ZNF717: variants seen among roughly 807,000 people sequenced by gnomAD.
The protein encoded by ZNF717 is zinc finger protein 717, also known as krueppel-like factor X17.
In ZNF717, 9 loss-of-function variants were observed where a neutral mutation model predicts 13.8. The observed-to-expected ratio is 0.65, with a 90% confidence interval of 0.39 to 1.14. The LOEUF (loss-of-function observed/expected upper bound fraction) is 1.14. Among genes scored for constraint, ZNF717 ranks in the 50% most tolerant of loss-of-function variants. The probability of loss-of-function intolerance (pLI) is 0.01; values close to 1 mark genes in which losing one functional copy is unlikely to be tolerated. For missense variants in ZNF717, 1,040 were observed against 1,080.7 expected (o/e 0.96, Z 0.53); for synonymous variants, 327 against 364.1 (o/e 0.90, Z 1.16).
At chr3:75,782,281 G>C (rs1037197681) in intron 2 of ZNF717, among the ~76,000 whole-genome samples, 3 of 152,170 alleles carry the variant, frequency 2.0e-5, no homozygotes, top group African/African-American at 7.2e-5. Context: ...ATATAACTTT[G>C]AACAGGCTGC....
intron 2 of ZNF717, among the ~76,000 whole-genome samples, chr3:75,749,573 C>A (rs1941509799): frequency 2.0e-5 from 3 of 152,072 alleles, no homozygotes; most frequent in East Asian, 1.9e-4. Context: ...CAGAACACTG[C>A]CACAAGGGTC....
At chr3:75,748,325 C>A (rs1941366486) in intron 2 of ZNF717, among the ~76,000 whole-genome samples, 1 of 152,124 alleles carries the variant, frequency 6.6e-6, no homozygotes, top group South Asian at 2.1e-4. Context: ...GGGAATCCTC[C>A]CTAACTCATT....
chr3:75,696,904 AAAAAAAAAAAAAAC>A (rs1216089494), intron 6 of ZNF717, among the ~76,000 whole-genome samples: 1,797 of 20,270 alleles, frequency 0.089, no homozygotes, highest in African/African-American at 0.19. Context: ...AAAAAAAAAA[AAAAAAAAAAAAAAC>A]AAGGACAAAA....
At chr3:75,700,551 T>C (rs1937672598) in intron 6 of ZNF717, among the ~76,000 whole-genome samples, 1 of 152,306 alleles carries the variant, frequency 6.6e-6, no homozygotes, top group Non-Finnish European at 1.5e-5. Flanking sequence ...CACTAAGTTA[T>C]GGTAATTAAA....
intron 2 of ZNF717, among the ~76,000 whole-genome samples, chr3:75,748,817 C>T (rs1223087462): frequency 6.6e-6 from 1 of 152,170 alleles, no homozygotes; most frequent in African/African-American, 2.4e-5. Flanking sequence ...TCCTATTCAA[C>T]ATAGGGTTGG....
At chr3:75,713,410 C>T (rs115685084) in intron 5 of ZNF717, among the ~76,000 whole-genome samples, 2 of 152,060 alleles carry the variant, frequency 1.3e-5, no homozygotes, top group South Asian at 2.1e-4. Flanking sequence ...ATCGGCCTCA[C>T]GAAGTGCTGG....
At chr3:75,775,308 T>C (rs1944224838) in intron 2 of ZNF717, among the ~76,000 whole-genome samples, 1 of 152,226 alleles carries the variant, frequency 6.6e-6, no homozygotes, top group African/African-American at 2.4e-5. Flanking sequence ...AATAACCAAA[T>C]TTCCTTGTCA....
chr3:75,732,490 G>T (rs1938653917), downstream of ZNF717, among the ~76,000 whole-genome samples: 1 of 152,190 alleles, frequency 6.6e-6, no homozygotes, highest in African/African-American at 2.4e-5. Flanking sequence ...TAAGGGGTGG[G>T]ACCTTTGAAA....
At chr3:75,750,628 G>A (rs1438361731) in intron 2 of ZNF717, among the ~76,000 whole-genome samples, 1 of 151,316 alleles carries the variant, frequency 6.6e-6, no homozygotes, top group Non-Finnish European at 1.5e-5. Context: ...GAACACTGCT[G>A]CTGGAGTCTG....
chr3:75,773,908 G>A (rs1314749914), intron 2 of ZNF717, among the ~76,000 whole-genome samples: 1 of 152,180 alleles, frequency 6.6e-6, no homozygotes, highest in African/African-American at 2.4e-5. Context: ...AATTAGCTGG[G>A]CATGGTGGTG....
At chr3:75,750,595 T>C (rs1334449708) in intron 2 of ZNF717, among the ~76,000 whole-genome samples, 2 of 150,618 alleles carry the variant, frequency 1.3e-5, no homozygotes, top group East Asian at 2.0e-4. Flanking sequence ...AGTCCAAATG[T>C]TTGCCCCTCC....
intron 2 of ZNF717, among the ~76,000 whole-genome samples, chr3:75,746,067 C>T (rs1175124508): frequency 3.3e-5 from 5 of 152,050 alleles, no homozygotes; most frequent in Non-Finnish European, 7.4e-5. Flanking sequence ...TGTTCCCCTT[C>T]CTGTGTCCAT....
chr3:75,777,049 G>A (rs1379660841), intron 2 of ZNF717, among the ~76,000 whole-genome samples: 11 of 152,170 alleles, frequency 7.2e-5, no homozygotes, highest in Non-Finnish European at 1.5e-5. Context: ...GAGTCTCCCT[G>A]GTGCACTGTA....
chr3:75,770,839 A>C (rs1386448941), intron 2 of ZNF717, among the ~76,000 whole-genome samples: 2 of 152,216 alleles, frequency 1.3e-5, no homozygotes, highest in Admixed American at 1.3e-4. Flanking sequence ...GCTGTAGAGA[A>C]ACAGGACTGC....
At chr3:75,762,073 AAGAAAGAGAG>A (rs1943073073) in intron 2 of ZNF717, among the ~76,000 whole-genome samples, 1 of 145,538 alleles carries the variant, frequency 6.9e-6, no homozygotes, top group African/African-American at 2.6e-5. Context: ...AAAGAAAGGA[AAGAAAGAGAG>A]AGAAAGAAAA....
At chr3:75,730,729 A>G (rs1300784776) in intron 5 of ZNF717, 3 of 637,642 alleles carry the variant, frequency 4.7e-6, no homozygotes, top group Non-Finnish European at 5.6e-6. Context: ...CAGAATCCAC[A>G]GAAATACTAA....
At chr3:75,731,070 G>A (rs151065759), downstream of ZNF717, among the ~76,000 whole-genome samples, 87 of 140,700 alleles carry the variant, frequency 6.2e-4, no homozygotes, top group South Asian at 3.3e-3. Context: ...GCAAAACCCT[G>A]TCTCTACTAA....
chr3:75,749,384 C>A (rs1159653813), intron 2 of ZNF717, among the ~76,000 whole-genome samples: 10 of 151,820 alleles, frequency 6.6e-5, no homozygotes, highest in Admixed American at 3.9e-4. Flanking sequence ...AACACTTCAA[C>A]GAGGGTCTGA....
exon 6 of ZNF717, chr3:75,710,943 T>C (rs1354403172): frequency 6.6e-6 from 1 of 152,194 alleles, no homozygotes; most frequent in African/African-American, 2.4e-5. Flanking sequence ...TAAAAACCTC[T>C]TGAGGCCAAA....
Sources: allele counts gnomAD v4.1 joint callset (sites outside exome capture counted in the v4.1 genomes callset), GRCh38; gene constraint gnomAD v4.1.1; transcripts MANE v1.5; gene names NCBI Gene and HGNC (gene_info 2026-07-23, HGNC 2026-07-21).